CFAP299: variants seen among roughly 807,000 people sequenced by gnomAD.
The protein encoded by CFAP299 is cilia and flagella associated protein 299, also known as cilia- and flagella-associated protein 299.
Under a neutral mutation model 27.0 loss-of-function variants are expected in CFAP299, and 21 were observed. The ratio of observed to expected loss-of-function variants is 0.78; its 90% CI spans 0.55 to 1.12. CFAP299 has a LOEUF of 1.12. CFAP299 is among the 50% of genes most tolerant of loss of function. CFAP299 has a pLI of 0.00. For synonymous variants in CFAP299, 104 were observed against 98.1 expected, an observed-to-expected ratio of 1.06 and a Z score of -0.36; for missense variants, 310 against 276.6, an observed-to-expected ratio of 1.12 and a Z score of -0.86.
intron 3 of CFAP299, among the ~76,000 whole-genome samples, chr4:80,768,554 A>G (rs944361267): frequency 1.8e-4 from 27 of 152,224 alleles, no homozygotes; most frequent in Non-Finnish European, 3.8e-4. Flanking sequence ...TATTTAAAAC[A>G]TGAAAATAAA....
chr4:80,843,835 T>C (rs1246366770), intron 3 of CFAP299, among the ~76,000 whole-genome samples: 1 of 152,172 alleles, frequency 6.6e-6, no homozygotes, highest in Non-Finnish European at 1.5e-5. Flanking sequence ...TATGTATACA[T>C]GTGCCATGTT....
chr4:80,425,418 T>G (rs1727486940), intron 2 of CFAP299, among the ~76,000 whole-genome samples: 1 of 152,180 alleles, frequency 6.6e-6, no homozygotes, highest in African/African-American at 2.4e-5. Context: ...TCTAAGACAT[T>G]TATTACTACT....
At chr4:80,432,091 G>T (rs1284690489) in intron 2 of CFAP299, among the ~76,000 whole-genome samples, 1 of 152,152 alleles carries the variant, frequency 6.6e-6, no homozygotes, top group African/African-American at 2.4e-5. Context: ...AAATCTAAAA[G>T]AAAATCAAAA....
chr4:80,619,181 C>T (rs548500159), intron 3 of CFAP299, among the ~76,000 whole-genome samples: 1 of 152,226 alleles, frequency 6.6e-6, no homozygotes, highest in East Asian at 1.9e-4. Context: ...AGTTTACTCC[C>T]AAAGTAAGCA....
chr4:80,394,674 A>G (rs931084447), intron 2 of CFAP299, among the ~76,000 whole-genome samples: 1 of 152,080 alleles, frequency 6.6e-6, no homozygotes, highest in African/African-American at 2.4e-5. Flanking sequence ...ACATTTTTTG[A>G]AGAGAATGTC....
At chr4:80,939,127 T>A (rs1737068076) in intron 4 of CFAP299, among the ~76,000 whole-genome samples, 1 of 152,244 alleles carries the variant, frequency 6.6e-6, no homozygotes, top group Admixed American at 6.5e-5. Context: ...TTTGGCAATT[T>A]GATTAGAATG....
intron 2 of CFAP299, among the ~76,000 whole-genome samples, chr4:80,405,228 C>T (rs189536544): frequency 6.6e-6 from 1 of 152,280 alleles, no homozygotes; most frequent in East Asian, 1.9e-4. Context: ...TTCTTCTAAG[C>T]AGACTGATGC....
chr4:80,387,219 T>TC, intron 2 of CFAP299: 1 of 1,441,086 alleles, frequency 6.9e-7, no homozygotes, highest in Admixed American at 1.7e-5. Context: ...AGGTCGTACA[T>TC]CGGGGGTAAG....
chr4:80,603,936 C>A (rs1031881540), intron 3 of CFAP299, among the ~76,000 whole-genome samples: 3 of 152,064 alleles, frequency 2.0e-5, no homozygotes, highest in Non-Finnish European at 4.4e-5. Flanking sequence ...CATTCTCGCT[C>A]TTTAAAATAA....
intron 4 of CFAP299, among the ~76,000 whole-genome samples, chr4:80,942,139 C>T (rs962796083): frequency 4.6e-5 from 7 of 152,258 alleles, no homozygotes; most frequent in Admixed American, 1.3e-4. Context: ...ATTGCTATTA[C>T]GCGGCTACAC....
At chr4:80,394,361 A>G (rs925201483) in intron 2 of CFAP299, among the ~76,000 whole-genome samples, 3 of 148,666 alleles carry the variant, frequency 2.0e-5, no homozygotes, top group African/African-American at 7.4e-5. Context: ...TATGGTTTGT[A>G]TAATTTTTCT....
chr4:80,738,709 A>T (rs778083747), intron 3 of CFAP299, among the ~76,000 whole-genome samples: 1 of 148,110 alleles, frequency 6.8e-6, no homozygotes, highest in Non-Finnish European at 1.5e-5. Flanking sequence ...TTGCTGGGAG[A>T]GTTTAGTACA....
intron 2 of CFAP299, among the ~76,000 whole-genome samples, chr4:80,572,685 T>A (rs1347542604): frequency 6.6e-6 from 1 of 151,358 alleles, no homozygotes; most frequent in Admixed American, 6.6e-5. Context: ...GCTTGGCTAA[T>A]TTTTTTTATC....
chr4:80,361,353 T>C (rs1216701200), intron 1 of CFAP299, among the ~76,000 whole-genome samples: 1 of 152,240 alleles, frequency 6.6e-6, no homozygotes, highest in East Asian at 1.9e-4. Flanking sequence ...TTTATATTCC[T>C]ACAGAAGAGT....
rs116737753 is a variant in CFAP299 at position 80,838,588 on chromosome 4, T to C, written c.334-31405T>C. On this transcript the variant is annotated intron_variant, in intron 3 of 5. Coordinates refer to ENST00000358105, the MANE Select transcript of CFAP299 (RefSeq NM_152770.3). ...AGATGGTTATAGTTGTGTGGTCTTA[T>C]TTCGGAGGCCTCTGTTCTGTTCCTT... 2.3e-3 allele frequency among the ~76,000 whole-genome samples: 355 copies of C among 152,268 alleles called. 1 individual carries two copies. The highest frequency in any genetic ancestry group is 8.1e-3 in the African/African-American group (335 of 41,560).
chr4:80,780,772 T>C (rs1421816849), intron 3 of CFAP299, among the ~76,000 whole-genome samples: 1 of 151,956 alleles, frequency 6.6e-6, no homozygotes, highest in Non-Finnish European at 1.5e-5. Context: ...TATGTAATCC[T>C]GTGAGACATT....
chr4:80,714,270 G>C (rs1722348781), intron 3 of CFAP299, among the ~76,000 whole-genome samples: 1 of 151,988 alleles, frequency 6.6e-6, no homozygotes, highest in South Asian at 2.1e-4. Flanking sequence ...GCCTGGGAAG[G>C]GCTGCTTTGT....
chr4:80,604,813 G>A (rs569124588), intron 3 of CFAP299, among the ~76,000 whole-genome samples: 99 of 151,034 alleles, frequency 6.6e-4, no homozygotes, highest in African/African-American at 1.7e-3. Context: ...TGAATTGCAC[G>A]TCACATCAGA....
chr4:80,858,877 G>A (rs1025421549), intron 3 of CFAP299, among the ~76,000 whole-genome samples: 110 of 152,216 alleles, frequency 7.2e-4, no homozygotes, highest in Non-Finnish European at 9.3e-4. Flanking sequence ...GAAAAAAAAT[G>A]TATATTCTGT....
Sources: allele counts gnomAD v4.1 joint callset (sites outside exome capture counted in the v4.1 genomes callset), GRCh38; gene constraint gnomAD v4.1.1; transcripts MANE v1.5; gene names NCBI Gene and HGNC (gene_info 2026-07-23, HGNC 2026-07-21).